SIL1: variants seen among roughly 807,000 people sequenced by gnomAD.
SIL1 encodes nucleotide exchange factor SIL1.
A neutral mutation model predicts 49.1 loss-of-function variants in SIL1; 40 were observed. The observed-to-expected ratio is 0.81, with a 90% CI of 0.63 to 1.06. The LOEUF is 1.06. SIL1 is among the 50% of genes least tolerant of loss of function. The probability of loss-of-function intolerance (pLI) is 0.00; values close to 1 mark genes in which losing one functional copy is unlikely to be tolerated. For synonymous variants in SIL1, 253 were observed against 250.8 expected, an observed-to-expected ratio of 1.01 and a Z score of -0.08; for missense variants, 500 against 572.6, an observed-to-expected ratio of 0.87 and a Z score of 1.29.
At chr5:139,050,066 T>C (rs548723072) in intron 4 of SIL1, among the ~76,000 whole-genome samples, 1 of 152,334 alleles carries the variant, frequency 6.6e-6, no homozygotes, top group South Asian at 2.1e-4. Flanking sequence ...TTTATGGACA[T>C]TTAAATCTGA....
chr5:139,145,487 G>A (rs566415041), intron 1 of SIL1, among the ~76,000 whole-genome samples: 1 of 152,266 alleles, frequency 6.6e-6, no homozygotes, highest in South Asian at 2.1e-4. Context: ...ATACCCAAAA[G>A]ATGTGAAAAC....
At chr5:139,114,785 A>T (rs1256727371) in intron 3 of SIL1, among the ~76,000 whole-genome samples, 1 of 152,198 alleles carries the variant, frequency 6.6e-6, no homozygotes, top group Non-Finnish European at 1.5e-5. Context: ...TATGTCCAAG[A>T]AGACAGACCA....
At chr5:138,958,999 G>A (rs926296006) in intron 7 of SIL1, among the ~76,000 whole-genome samples, 33 of 152,066 alleles carry the variant, frequency 2.2e-4, no homozygotes, top group African/African-American at 8.0e-4. Flanking sequence ...TTACTTCAAT[G>A]CTCAAATTAT....
chr5:139,092,721 C>A (rs1770369089), intron 3 of SIL1, among the ~76,000 whole-genome samples: 1 of 152,186 alleles, frequency 6.6e-6, no homozygotes, highest in Admixed American at 6.5e-5. Flanking sequence ...AGGGAAATAC[C>A]TTTTATCTTA....
chr5:139,084,589 T>A (rs1334845436), intron 3 of SIL1, among the ~76,000 whole-genome samples: 1 of 119,072 alleles, frequency 8.4e-6, no homozygotes, highest in Non-Finnish European at 1.7e-5. Flanking sequence ...AACAATGAGA[T>A]CACATGGACA....
At chr5:139,195,608 C>T (rs1021557083) in intron 1 of SIL1, among the ~76,000 whole-genome samples, 9 of 151,916 alleles carry the variant, frequency 5.9e-5, no homozygotes, top group East Asian at 2.0e-4. Context: ...AGGATGGTCT[C>T]GATCTCCTGA....
chr5:138,983,232 G>A (rs1394364571), intron 7 of SIL1, among the ~76,000 whole-genome samples: 1 of 148,292 alleles, frequency 6.7e-6, no homozygotes, highest in East Asian at 2.0e-4. Flanking sequence ...AAAAAGGCCG[G>A]GCGCGGTGGC....
intron 7 of SIL1, among the ~76,000 whole-genome samples, chr5:138,955,917 GA>G (rs1257313114): frequency 6.6e-6 from 1 of 152,144 alleles, no homozygotes; most frequent in Non-Finnish European, 1.5e-5. Flanking sequence ...TTCTGAAAAG[GA>G]AAACAACTGG....
chr5:139,171,720 A>G (rs1352365541), intron 1 of SIL1, among the ~76,000 whole-genome samples: 1 of 151,470 alleles, frequency 6.6e-6, no homozygotes, highest in Non-Finnish European at 1.5e-5. Flanking sequence ...AAAGAAAAAA[A>G]ATAAAAAAGA....
intron 3 of SIL1, among the ~76,000 whole-genome samples, chr5:139,095,018 GT>G (rs1367302812): frequency 1.3e-5 from 2 of 152,126 alleles, no homozygotes; most frequent in African/African-American, 4.8e-5. Context: ...AAGGTAAAGT[GT>G]CCCTTTGTCT....
chr5:139,195,634 A>G (rs1030111691), intron 1 of SIL1, among the ~76,000 whole-genome samples: 3 of 151,980 alleles, frequency 2.0e-5, no homozygotes, highest in Non-Finnish European at 4.4e-5. Context: ...TGATCCGCCC[A>G]CCTTGGCCTC....
chr5:139,003,372 G>A (rs1436439617), intron 7 of SIL1, among the ~76,000 whole-genome samples: 2 of 152,176 alleles, frequency 1.3e-5, no homozygotes, highest in Non-Finnish European at 2.9e-5. Flanking sequence ...GTGCTTGGCT[G>A]CAGCAGTTTG....
intron 7 of SIL1, among the ~76,000 whole-genome samples, chr5:138,986,066 G>C (rs926238352): frequency 6.6e-6 from 1 of 152,154 alleles, no homozygotes; most frequent in East Asian, 1.9e-4. Context: ...GTCCCCACAG[G>C]CAGCAGCTAC....
At chr5:139,027,828 G>T (rs1170585873) in intron 5 of SIL1, among the ~76,000 whole-genome samples, 1 of 152,168 alleles carries the variant, frequency 6.6e-6, no homozygotes, top group African/African-American at 2.4e-5. Flanking sequence ...TTTATAAAAA[G>T]CCGGATGATG....
chr5:139,174,689 G>C (rs373599419), intron 1 of SIL1, among the ~76,000 whole-genome samples: 16 of 151,874 alleles, frequency 1.1e-4, no homozygotes, highest in African/African-American at 3.1e-4. Context: ...TGTAATCCCA[G>C]CACTTTGGGA....
At chr5:139,157,202 TATCATCCACAAGAGGAAGTAAATCA>T (rs1190625692) in intron 1 of SIL1, among the ~76,000 whole-genome samples, 1 of 152,250 alleles carries the variant, frequency 6.6e-6, no homozygotes, top group Non-Finnish European at 1.5e-5. Context: ...GTCCAGAATC[TATCATCCACAAGAGGAAGTAAATCA>T]AACTGTCTAA....
chr5:138,991,954 C>G (rs140628626), intron 7 of SIL1, among the ~76,000 whole-genome samples: 1 of 152,362 alleles, frequency 6.6e-6, no homozygotes, highest in African/African-American at 2.4e-5. Flanking sequence ...AAAGGCTGGT[C>G]AGAGCTCTCT....
intron 7 of SIL1, among the ~76,000 whole-genome samples, chr5:139,013,166 C>A (rs1015181184): frequency 2.0e-5 from 3 of 152,118 alleles, no homozygotes; most frequent in Non-Finnish European, 4.4e-5. Flanking sequence ...TATCACCTGT[C>A]CCCAATATTT....
At chr5:139,035,085 G>T in intron 5 of SIL1, 3 of 230,428 alleles carry the variant, frequency 1.3e-5, no homozygotes, top group Admixed American at 5.4e-5. Flanking sequence ...AAGTGTCTAT[G>T]TCCTTTGCCC....
Sources: allele counts gnomAD v4.1 joint callset (sites outside exome capture counted in the v4.1 genomes callset), GRCh38; gene constraint gnomAD v4.1.1; transcripts MANE v1.5; gene names NCBI Gene and HGNC (gene_info 2026-07-23, HGNC 2026-07-21).